The following PLEKHA7 variants were observed in gnomAD, a reference collection of about 807,000 sequenced individuals.
The protein encoded by PLEKHA7 is pleckstrin homology domain-containing family A member 7.
In PLEKHA7, 104 loss-of-function variants were observed where a neutral mutation model predicts 170.0. That is an observed-to-expected ratio of 0.61 (90% CI 0.52 to 0.72). The LOEUF (loss-of-function observed/expected upper bound fraction) is 0.72, where lower values mean the gene tolerates loss of function less well. Among genes scored for constraint, PLEKHA7 ranks in the 30% least tolerant of loss-of-function variants. PLEKHA7 has a pLI of 0.00. For synonymous variants in PLEKHA7, 648 were observed against 660.8 expected (o/e 0.98, Z 0.30); for missense variants, 1,615 against 1,671.7 (o/e 0.97, Z 0.59).
chr11:16,915,496 A>C (rs527514589), intron 3 of PLEKHA7, among the ~76,000 whole-genome samples: 3 of 143,936 alleles, frequency 2.1e-5, no homozygotes, highest in South Asian at 2.4e-4. Context: ...ATATCTCCCA[A>C]TGCTATCCCT....
intron 3 of PLEKHA7, among the ~76,000 whole-genome samples, chr11:16,946,026 G>A (rs1030083099): frequency 6.6e-6 from 1 of 152,186 alleles, no homozygotes; most frequent in African/African-American, 2.4e-5. Flanking sequence ...GACACAAACA[G>A]GCAAGATGCC....
chr11:16,822,501 GGAAAAAAAAAAAAA>G (rs1265385226), intron 10 of PLEKHA7, among the ~76,000 whole-genome samples: 5 of 126,348 alleles, frequency 4.0e-5, no homozygotes, highest in South Asian at 2.7e-4. Context: ...TTTTGGTAGG[GGAAAAAAAAAAAAA>G]AAAAAAAAAA....
At position 16,816,166 on chromosome 11, in the gene PLEKHA7, C is replaced by T; in HGVS notation, c.1953+12G>A. 2 of 1,601,512 alleles carry T rather than the reference C, an allele frequency of 1.2e-6. No homozygotes were observed. Among genetic ancestry groups the T allele is most frequent in the East Asian group, 2.2e-5 (1 of 44,816 alleles). On this transcript the variant is annotated intron_variant, in intron 12 of 26. Transcript: ENST00000531066. ...TAGGGCTTTGCAGGCTATGTCTTGTCATTCACCCTACCGATTTTCCATGTA... is the reference window on the plus strand; with the variant it reads ...TAGGGCTTTGCAGGCTATGTCTTGTTATTCACCCTACCGATTTTCCATGTA...
intron 3 of PLEKHA7, among the ~76,000 whole-genome samples, chr11:16,922,713 G>A (rs1446866904): frequency 6.6e-6 from 1 of 152,094 alleles, no homozygotes; most frequent in Non-Finnish European, 1.5e-5. Context: ...AGCTTCTCCT[G>A]CCACCCATCC....
At chr11:16,785,414 A>C (rs1466485200) in intron 24 of PLEKHA7, among the ~76,000 whole-genome samples, 2 of 152,172 alleles carry the variant, frequency 1.3e-5, no homozygotes, top group African/African-American at 2.4e-5. Context: ...TTCATTCAAC[A>C]CAGTCAAAGA....
Position 16,778,807 on chromosome 11 carries a change from G to A in PLEKHA7, c.*191C>T, listed in dbSNP as rs1848816501. The A allele has an allele frequency of 1.6e-6, 1 of 618,236 alleles. No homozygotes were observed. The highest frequency in any genetic ancestry group is 1.8e-5 in the African/African-American group (1 of 54,878). The allele number at this position is 618,236 out of a possible 1,614,324, so 38.3% of individuals were successfully genotyped here. On this transcript the variant is annotated 3_prime_UTR_variant, in exon 27 of 27. Coordinates refer to ENST00000531066, the MANE Select transcript of PLEKHA7 (RefSeq NM_001329630.2). ...CTTTGCCATTCATATGTAGAGAGGA[G>A]TCTGAGCTAAACTAGTGGGTGCATA... is the stretch of plus-strand genomic sequence containing the variant.
intron 8 of PLEKHA7, among the ~76,000 whole-genome samples, chr11:16,848,537 G>A (rs423971): frequency 0.6 from 91,258 of 152,146 alleles, 28,816 homozygotes; most frequent in East Asian, 0.87. Context: ...GTGGTCTAGC[G>A]ATGCAGGTGT....
intron 23 of PLEKHA7, chr11:16,786,883 A>T (rs1470958508): frequency 1.0e-6 from 1 of 985,172 alleles, no homozygotes; most frequent in Non-Finnish European, 1.2e-6. Context: ...TAGGTGGGGG[A>T]TCTCGCACTT....
intron 3 of PLEKHA7, among the ~76,000 whole-genome samples, chr11:16,894,998 G>A (rs1447058745): frequency 6.6e-6 from 1 of 152,036 alleles, no homozygotes; most frequent in Non-Finnish European, 1.5e-5. Context: ...AAAAATTAAG[G>A]GATTTATATA....
chr11:16,975,075 G>A, intron 3 of PLEKHA7: 4 of 675,254 alleles, frequency 5.9e-6, no homozygotes, highest in Non-Finnish European at 8.2e-6. Context: ...ATGTATATAT[G>A]TACAGTTCTA....
intron 3 of PLEKHA7, among the ~76,000 whole-genome samples, chr11:16,883,292 G>A (rs1250735825): frequency 1.3e-5 from 2 of 152,228 alleles, no homozygotes; most frequent in African/African-American, 2.4e-5. Flanking sequence ...TTATTCATCA[G>A]TTATATAGAA....
chr11:16,961,737 G>C (rs1446369655), intron 3 of PLEKHA7, among the ~76,000 whole-genome samples: 4 of 152,220 alleles, frequency 2.6e-5, no homozygotes, highest in Non-Finnish European at 4.4e-5. Context: ...CAGAGAGGGG[G>C]TGAGAAGGCC....
At chr11:16,972,402 G>A (rs770933995) in intron 3 of PLEKHA7, among the ~76,000 whole-genome samples, 1 of 151,806 alleles carries the variant, frequency 6.6e-6, no homozygotes, top group Non-Finnish European at 1.5e-5. Flanking sequence ...GATTACAGGC[G>A]TGAGTCACTC....
intron 3 of PLEKHA7, among the ~76,000 whole-genome samples, chr11:16,886,004 A>C (rs431780): frequency 0.46 from 69,554 of 151,328 alleles, 16,693 homozygotes; most frequent in Non-Finnish European, 0.54. Flanking sequence ...ATCGGAAAAA[A>C]AAAAAAAAGA....
chr11:16,873,333 G>A (rs1490240568), intron 3 of PLEKHA7, among the ~76,000 whole-genome samples: 2 of 152,132 alleles, frequency 1.3e-5, no homozygotes, highest in Non-Finnish European at 2.9e-5. Context: ...GGGGTAAACT[G>A]GGCACTGAAG....
rs566336525 is a variant in PLEKHA7, at chr11:16,862,460, A to G, written c.306-6546T>C. Among the ~76,000 whole-genome samples, 5 of 152,314 alleles carry G rather than the reference A, an allele frequency of 3.3e-5. No individual in the cohort carries two copies. The South Asian group carries it at 1.0e-3, about 32-fold the overall frequency. On this transcript the variant is annotated intron_variant, in intron 4 of 26. Transcript: ENST00000531066. ...CAGCTACTTCTCTCATTACATAATG[A>G]TATTTTTTACTGGAGATCTGAGCAC...
chr11:16,929,267 A>C (rs1415051725), intron 3 of PLEKHA7, among the ~76,000 whole-genome samples: 1 of 152,208 alleles, frequency 6.6e-6, no homozygotes, highest in Non-Finnish European at 1.5e-5. Flanking sequence ...AAAACTGGCA[A>C]GAAAATTATT....
At chr11:16,870,285 C>G (rs1466807015) in intron 4 of PLEKHA7, among the ~76,000 whole-genome samples, 1 of 151,990 alleles carries the variant, frequency 6.6e-6, no homozygotes, top group Non-Finnish European at 1.5e-5. Context: ...TGAGGGTACA[C>G]CCCCTACCCC....
intron 3 of PLEKHA7, among the ~76,000 whole-genome samples, chr11:16,967,924 T>C (rs925969781): frequency 2.0e-5 from 3 of 152,168 alleles, no homozygotes; most frequent in African/African-American, 7.2e-5. Flanking sequence ...GATAAGGAAG[T>C]CATTTCCTGT....
Sources: allele counts gnomAD v4.1 joint callset (sites outside exome capture counted in the v4.1 genomes callset), GRCh38; gene constraint gnomAD v4.1.1; transcripts MANE v1.5; gene names NCBI Gene and HGNC (gene_info 2026-07-23, HGNC 2026-07-21).